The following SCAMP2 variants were observed in gnomAD, a reference collection of about 807,000 sequenced individuals.
SCAMP2 encodes secretory carrier-associated membrane protein 2.
Under a neutral mutation model 44.1 loss-of-function variants are expected in SCAMP2, and 25 were observed. That is an observed-to-expected ratio of 0.57 (90% CI 0.41 to 0.79). SCAMP2 has a LOEUF of 0.79. Ranked by LOEUF, SCAMP2 falls within the 30% of genes least tolerant of loss-of-function variation. SCAMP2 has a pLI of 0.00. For missense variants in SCAMP2, 355 were observed against 411.0 expected, an observed-to-expected ratio of 0.86 and a Z score of 1.18; for synonymous variants, 156 against 166.0, an observed-to-expected ratio of 0.94 and a Z score of 0.46.
chr15:74,865,441 T>G (rs1459159024), intron 1 of SCAMP2, among the ~76,000 whole-genome samples: 1 of 143,472 alleles, frequency 7.0e-6, no homozygotes, highest in African/African-American at 2.6e-5. Flanking sequence ...AATAAGTGAC[T>G]GTGGGAGAGG....
rs149160909 is a variant in SCAMP2, at chr15:74,851,381, T to A, written c.444A>T (p.Ile148=). 6.2e-6 allele frequency: 10 copies of A among 1,613,922 alleles called. No homozygotes were observed. In the African/African-American group the frequency reaches 1.2e-4, roughly 19 times the overall value. ...TCCACAGATAGTAGAGCATCTTGCA[T>A]ATCCGCTGGTAGTCGGCAGGGATCT... is the stretch of plus-strand genomic sequence containing the variant. ...STEIPADYQR[I]CKMLYYLWML... is the part of the protein sequence containing the mutation. Residue 148 remains isoleucine, a synonymous_variant, in exon 5 of 9, where the codon ATA becomes ATT. Coordinates refer to ENST00000268099, the MANE Select transcript of SCAMP2 (RefSeq NM_005697.5).
At chr15:74,873,173 G>C (rs2141185296) in intron 1 of SCAMP2, 26 bp downstream of exon 1, 1 of 1,426,716 alleles carries the variant, frequency 7.0e-7, no homozygotes. Flanking sequence ...AAATCTGAGA[G>C]CTGGATGGCG....
Position 74,862,850 on chromosome 15 carries a change from C to CA in SCAMP2, c.58-8202_58-8201insT, listed in dbSNP as rs1387237378. On this transcript the variant is annotated intron_variant, in intron 1 of 8. Transcript: ENST00000268099. ...AAAAAAAAAAAAAACAAAAAACAAA[C>CA]CATACACACACACACACACACACAC... Among the ~76,000 whole-genome samples, 3 of 34,234 alleles carry CA rather than the reference C, an allele frequency of 8.8e-5. No individual in the cohort carries two copies. In the Admixed American group the frequency reaches 9.1e-4, roughly 10 times the overall value. The allele number at this position is 34,234 out of a possible 152,430, so 22.5% of individuals were successfully genotyped here. A position where few individuals can be genotyped will look rare whatever the true frequency, so the allele number is the denominator to read the frequency against.
At chr15:74,856,435 T>C (rs2064469639) in intron 1 of SCAMP2, among the ~76,000 whole-genome samples, 2 of 151,612 alleles carry the variant, frequency 1.3e-5, no homozygotes, top group Admixed American at 1.3e-4. Flanking sequence ...CCACCACACC[T>C]AGCTAATTTT....
intron 1 of SCAMP2, among the ~76,000 whole-genome samples, chr15:74,856,258 CCAGTT>C (rs1357533675): frequency 3.4e-5 from 5 of 146,722 alleles, no homozygotes; most frequent in Admixed American, 2.8e-4. Context: ...CTCTGCAGAG[CCAGTT>C]CTTTTTTTTT....
chr15:74,869,309 A>G (rs989241685), intron 1 of SCAMP2, among the ~76,000 whole-genome samples: 6 of 149,878 alleles, frequency 4.0e-5, no homozygotes, highest in African/African-American at 1.2e-4. Flanking sequence ...TCTCCAGTGG[A>G]AAAAAAAAAC....
chr15:74,855,491 T>G (rs905738437), intron 1 of SCAMP2, among the ~76,000 whole-genome samples: 2 of 151,450 alleles, frequency 1.3e-5, no homozygotes, highest in Admixed American at 1.3e-4. Context: ...CTGAGGCGGG[T>G]GGATCACCTG....
intron 3 of SCAMP2, chr15:74,852,481 C>T (rs2064441820): frequency 3.4e-6 from 1 of 294,232 alleles, no homozygotes; most frequent in Non-Finnish European, 6.2e-6. Flanking sequence ...CCACCTCTTC[C>T]CCATACTGGG....
At chr15:74,857,913 C>T (rs1032737437) in intron 1 of SCAMP2, among the ~76,000 whole-genome samples, 1 of 152,210 alleles carries the variant, frequency 6.6e-6, no homozygotes, top group African/African-American at 2.4e-5. Flanking sequence ...ACACGCAGCA[C>T]GCTGTAGGGC....
intron 1 of SCAMP2, among the ~76,000 whole-genome samples, chr15:74,866,475 C>T (rs1460124240): frequency 6.6e-6 from 1 of 152,034 alleles, no homozygotes; most frequent in Non-Finnish European, 1.5e-5. Context: ...TTCCGGGAGA[C>T]CGAGGTGGGT....
intron 7 of SCAMP2, among the ~76,000 whole-genome samples, chr15:74,846,226 G>A (rs2064397893): frequency 6.6e-6 from 1 of 151,778 alleles, no homozygotes; most frequent in African/African-American, 2.4e-5. Context: ...AGGCTGCAGT[G>A]AGCCGAGATC....
intron 7 of SCAMP2, 91 bp from the exon 8 acceptor site, chr15:74,845,684 C>T: frequency 6.7e-7 from 1 of 1,495,572 alleles, no homozygotes; most frequent in Non-Finnish European, 9.2e-7. Context: ...GCTGCTGTGT[C>T]CTGACCATCA....
intron 1 of SCAMP2, among the ~76,000 whole-genome samples, chr15:74,864,626 T>C (rs967687503): frequency 6.6e-6 from 1 of 152,032 alleles, no homozygotes; most frequent in South Asian, 2.1e-4. Context: ...AGGACACAAC[T>C]GTCAACATGG....
At chr15:74,850,116 A>G (rs995464312) in intron 6 of SCAMP2, among the ~76,000 whole-genome samples, 1 of 152,206 alleles carries the variant, frequency 6.6e-6, no homozygotes, top group Non-Finnish European at 1.5e-5. Context: ...GGAAGCATCA[A>G]TAGTCATGGA....
At chr15:74,850,259 G>C (rs1473310102) in intron 6 of SCAMP2, among the ~76,000 whole-genome samples, 1 of 152,178 alleles carries the variant, frequency 6.6e-6, no homozygotes. Flanking sequence ...CAGTGGGATG[G>C]GAGGTCCCTT....
At chr15:74,850,709 C>A in intron 5 of SCAMP2, 36 bp from the exon 6 acceptor site, 1 of 1,609,374 alleles carries the variant, frequency 6.2e-7, no homozygotes. Flanking sequence ...ATGACTTGTG[C>A]CACAGTGGCT....
intron 1 of SCAMP2, among the ~76,000 whole-genome samples, chr15:74,865,364 G>C (rs1301871036): frequency 7.3e-6 from 1 of 136,460 alleles, no homozygotes; most frequent in African/African-American, 2.7e-5. Context: ...CTGGGCAACA[G>C]AGCAAGACTT....
At chr15:74,865,558 G>C (rs2064536935) in intron 1 of SCAMP2, among the ~76,000 whole-genome samples, 1 of 151,836 alleles carries the variant, frequency 6.6e-6, no homozygotes, top group African/African-American at 2.4e-5. Flanking sequence ...GGAAGGATTG[G>C]GAAGGTGCAG....
intron 7 of SCAMP2, 31 bp downstream of exon 7, chr15:74,848,569 C>G: frequency 7.1e-7 from 1 of 1,410,668 alleles, no homozygotes; most frequent in African/African-American, 1.4e-5. Context: ...ATATCCAAAG[C>G]CTAATTCCCT....
Sources: gnomAD v4.1 joint callset for allele counts (sites outside exome capture counted in the v4.1 genomes callset) on GRCh38, gnomAD v4.1.1 for gene constraint, MANE v1.5 for transcripts, NCBI Gene and HGNC (gene_info 2026-07-23, HGNC 2026-07-21) for gene names.